NDRG2: variants seen among roughly 807,000 people sequenced by gnomAD.
NDRG2 encodes NDRG family member 2, also known as protein NDRG2.
NDRG2 carries 34 observed loss-of-function variants against 58.2 expected under a neutral mutation model. The observed-to-expected ratio is 0.58, with a 90% CI of 0.44 to 0.78. The LOEUF (loss-of-function observed/expected upper bound fraction) is 0.78. Among genes scored for constraint, NDRG2 ranks in the 30% least tolerant of loss-of-function variants. NDRG2 has a pLI of 0.00. For missense variants in NDRG2, 434 were observed against 471.2 expected, an observed-to-expected ratio of 0.92 and a Z score of 0.73; for synonymous variants, 187 against 175.9, an observed-to-expected ratio of 1.06 and a Z score of -0.50.
chr14:21,070,538 C>G lies in NDRG2; in HGVS notation c.24+290G>C, dbSNP rs1265023904. 12 of 1,087,542 alleles carry G rather than the reference C, an allele frequency of 1.1e-5. No homozygotes were observed. The South Asian group carries it at 1.2e-4, about 11-fold the overall frequency. The allele number at this position is 1,087,542 out of a possible 1,614,324, so 67.4% of individuals were successfully genotyped here. On this transcript the variant is annotated intron_variant, in intron 1 of 14. Transcript: ENST00000403829. This position sits in a 1 kb window ranked among gnomAD's most constrained non-coding sequence, Gnocchi z 4.7. ...CTGGGACTCTCCTCCCTCCCATCCC[C>G]CCTTCTTCGATTTGTCTGTCTGCCC...
chr14:21,034,123 T>C (rs776987978), intron 1 of NDRG2: 2 of 1,614,210 alleles, frequency 1.2e-6, no homozygotes, highest in Non-Finnish European at 1.7e-6. Context: ...ATATAGGACA[T>C]CAGACCATTA....
chr14:21,064,342 C>T (rs1886137805), intron 1 of NDRG2, among the ~76,000 whole-genome samples: 1 of 151,932 alleles, frequency 6.6e-6, no homozygotes, highest in Non-Finnish European at 1.5e-5. Context: ...CTCTCTGTTG[C>T]CCAGGCTGCA....
chr14:21,017,214 C>T lies in NDRG2; in HGVS notation c.*382G>A, dbSNP rs1241897893. On this transcript the variant is annotated 3_prime_UTR_variant, in exon 16 of 16. Transcript: ENST00000556147. ...TGAATGGAGCCCCAGCCCCAAATCC[C>T]CTCCCCTTGCAAATATGGGACAAGT... 1.1e-5 allele frequency: 4 copies of T among 367,236 alleles called. No homozygotes were observed. The highest frequency in any genetic ancestry group is 2.1e-5 in the African/African-American group (1 of 47,256). 22.7% of individuals were successfully genotyped at this position (367,236 alleles called of 1,614,324 possible). A position where few individuals can be genotyped will look rare whatever the true frequency, so the allele number is the denominator to read the frequency against.
chr14:21,062,003 G>C (rs544842753), intron 1 of NDRG2, among the ~76,000 whole-genome samples: 7 of 152,178 alleles, frequency 4.6e-5, no homozygotes, highest in Non-Finnish European at 1.0e-4. Flanking sequence ...TGTTTAAAGA[G>C]TTTCATTAAC....
rs1885016544 is a variant in NDRG2, at chr14:21,043,649, T to C, written c.25-20328A>G. Reference sequence around the variant, plus strand: ...TCTAGAGGGATGGCTTTTCATCTTTTTGTTGCTGTTTTCCCAGATGCTTAT... The same window carrying C: ...TCTAGAGGGATGGCTTTTCATCTTTCTGTTGCTGTTTTCCCAGATGCTTAT... On this transcript the variant is annotated intron_variant, in intron 1 of 14. Coordinates refer to the NDRG2 transcript ENST00000403829. 9 of 573,076 alleles carry C rather than the reference T, an allele frequency of 1.6e-5. No individual in the cohort carries two copies. The East Asian group carries it at 2.7e-4, about 17-fold the overall frequency. The allele number at this position is 573,076 out of a possible 1,614,324, so 35.5% of individuals were successfully genotyped here.
chr14:21,022,915 C>T lies in NDRG2; in HGVS notation c.76-10G>A. On this transcript the variant is annotated splice_polypyrimidine_tract_variant and intron_variant, in intron 2 of 15. Transcript: ENST00000556147. The stretch of plus-strand genomic sequence containing the variant: ...CAGCTAACTCAGCCTCCTGGAGAGA[C>T]ACACACGGATTCACACAGAAACACA... 6.2e-7 allele frequency: 1 copy of T among 1,613,994 alleles called. No individual in the cohort carries two copies. The highest frequency in any genetic ancestry group is 8.5e-7 in the Non-Finnish European group (1 of 1,179,948).
At chr14:21,066,586 G>C (rs561381032) in intron 1 of NDRG2, among the ~76,000 whole-genome samples, 1 of 151,968 alleles carries the variant, frequency 6.6e-6, no homozygotes, top group Non-Finnish European at 1.5e-5. Context: ...CACCTGCCTC[G>C]GTCTCCCAAA....
Position 21,070,277 on chromosome 14 carries a change from C to T in NDRG2, c.24+551G>A, listed in dbSNP as rs1260467249. On this transcript the variant is annotated intron_variant, in intron 1 of 14. Coordinates refer to the NDRG2 transcript ENST00000403829. The surrounding 1 kb of genome is among the most constrained non-coding windows in gnomAD (Gnocchi z 4.7). ...TGGAAGCCGGAGCGGGCCGAGCCGC[C>T]ACCGCGGCCGGAGCTGTCCCTTAGC... 20 of 1,091,030 alleles carry T rather than the reference C, an allele frequency of 1.8e-5. No homozygotes were observed. The highest frequency in any genetic ancestry group is 4.5e-5 in the Admixed American group (1 of 22,184). 67.6% of individuals were successfully genotyped at this position (1,091,030 alleles called of 1,614,324 possible).
chr14:21,057,709 A>G, intron 1 of NDRG2: 1 of 576,250 alleles, frequency 1.7e-6, no homozygotes, highest in South Asian at 2.3e-5. Context: ...AGGCACAAAA[A>G]GGCACATTAT....
At chr14:21,046,543 A>ATACATACATACATACC (rs1380473937) in intron 1 of NDRG2, among the ~76,000 whole-genome samples, 570 of 34,696 alleles carry the variant, frequency 0.016, no homozygotes, top group East Asian at 0.035. Context: ...CTCAAAACAA[A>ATACATACATACATACC]TACATACATA....
At chr14:21,025,843 GTCAATGCCTCAAGGGGCGC>G, upstream of NDRG2, 1 of 385,698 alleles carries the variant, frequency 2.6e-6, no homozygotes, top group Non-Finnish European at 3.5e-6. This position sits in a 1 kb window ranked among gnomAD's most constrained non-coding sequence, Gnocchi z 5.1. Context: ...GGACTCTGGG[GTCAATGCCTCAAGGGGCGC>G]GGGGGAGGGG....
chr14:21,053,685 T>TCCCAGCTA lies in NDRG2; in HGVS notation c.24+17135_24+17142dup, dbSNP rs546128808. Among the ~76,000 whole-genome samples, 150 of 152,040 alleles carry TCCCAGCTA rather than the reference T, an allele frequency of 9.9e-4. 1 individual carries two copies. The highest frequency in any genetic ancestry group is 2.6e-3 in the Admixed American group (39 of 15,272). On this transcript the variant is annotated intron_variant, in intron 1 of 14. Coordinates refer to the NDRG2 transcript ENST00000403829. Reference sequence around the variant, plus strand: ...CACACGTGGTGGTGCAGGCCTGTAGTCCCAGCTACTCAGGAGGCTGACGTA... The same window carrying TCCCAGCTA: ...CACACGTGGTGGTGCAGGCCTGTAGTCCCAGCTACCCAGCTACTCAGGAGGCTGACGTA...
intron 2 of NDRG2, 140 bp from the exon 3 acceptor site, chr14:21,023,045 C>T (rs1881572177): frequency 9.1e-7 from 1 of 1,102,754 alleles, no homozygotes; most frequent in Non-Finnish European, 1.4e-6. Context: ...AAGAGAGACA[C>T]GGAAAGGATG....
At chr14:21,045,625 A>G (rs1261134274) in intron 1 of NDRG2, among the ~76,000 whole-genome samples, 1 of 152,084 alleles carries the variant, frequency 6.6e-6, no homozygotes, top group Non-Finnish European at 1.5e-5. Context: ...TTTCTTATGG[A>G]TAATATGGTT....
chr14:21,031,097 C>G, intron 1 of NDRG2: 1 of 1,614,130 alleles, frequency 6.2e-7, no homozygotes, highest in Non-Finnish European at 8.5e-7. Flanking sequence ...AGGGAAGAGT[C>G]CAGATGAAGT....
chr14:21,031,981 G>A, intron 1 of NDRG2: 1 of 1,614,114 alleles, frequency 6.2e-7, no homozygotes, highest in Non-Finnish European at 8.5e-7. Flanking sequence ...AGAGTGGCAA[G>A]GGCAAGGGCA....
At chr14:21,018,553 C>T in intron 12 of NDRG2, 49 bp from the exon 13 acceptor site, 1 of 1,603,890 alleles carries the variant, frequency 6.2e-7, no homozygotes, top group Non-Finnish European at 8.5e-7. Flanking sequence ...CACTGTGGCG[C>T]CTCCCCCGTA....
intron 6 of NDRG2, chr14:21,021,147 A>G (rs1477772608): frequency 3.7e-6 from 2 of 541,006 alleles, no homozygotes; most frequent in East Asian, 4.4e-5. Flanking sequence ...CTCTTTGTCC[A>G]TTCTCAATTT....
chr14:21,054,817 G>C (rs186725472), intron 1 of NDRG2, among the ~76,000 whole-genome samples: 1 of 152,230 alleles, frequency 6.6e-6, no homozygotes, highest in East Asian at 1.9e-4. Context: ...AAAGCACAAT[G>C]CTTTGGCTCG....
Sources: gnomAD v4.1 joint callset for allele counts (sites outside exome capture counted in the v4.1 genomes callset) on GRCh38, gnomAD v4.1.1 for gene constraint, Gnocchi (gnomAD v3.1) non-coding constraint, MANE v1.5 for transcripts, NCBI Gene and HGNC (gene_info 2026-07-23, HGNC 2026-07-21) for gene names.